The following ADGRA3 variants were observed in gnomAD, a reference collection of about 807,000 sequenced individuals.
ADGRA3 encodes adhesion G protein-coupled receptor A3.
ADGRA3 carries 56 observed loss-of-function variants against 119.8 expected under a neutral mutation model. That is an observed-to-expected ratio of 0.47 (90% CI 0.38 to 0.58). The LOEUF is 0.58. ADGRA3 is among the 20% of genes least tolerant of loss of function. The probability of loss-of-function intolerance (pLI) is 0.00; values close to 1 mark genes in which losing one functional copy is unlikely to be tolerated. For missense variants in ADGRA3, 1,516 were observed against 1,649.0 expected (o/e 0.92, Z 1.40); for synonymous variants, 607 against 623.8 (o/e 0.97, Z 0.40).
chr4:22,479,465 A>AT (rs1406605429), intron 1 of ADGRA3, among the ~76,000 whole-genome samples: 2 of 139,326 alleles, frequency 1.4e-5, no homozygotes, highest in East Asian at 4.6e-4. Flanking sequence ...TCTGTCTCAA[A>AT]TAAAAAAAAA....
chr4:22,428,665 C>T (rs1564136), intron 10 of ADGRA3, among the ~76,000 whole-genome samples: 101,088 of 151,940 alleles, frequency 0.67, 34,414 homozygotes, highest in Non-Finnish European at 0.74. Flanking sequence ...TAGTACACTA[C>T]TGAGATCATA....
intron 14 of ADGRA3, among the ~76,000 whole-genome samples, chr4:22,403,419 G>A (rs530971097): frequency 6.6e-6 from 1 of 152,050 alleles, no homozygotes; most frequent in African/African-American, 2.4e-5. Flanking sequence ...CGGCAGCAGA[G>A]AGGAAGAGCC....
intron 1 of ADGRA3, 181 bp downstream of exon 1, chr4:22,515,346 AT>A (rs1419328810): frequency 6.5e-6 from 4 of 611,526 alleles, no homozygotes; most frequent in Non-Finnish European, 9.7e-6. Context: ...TCGGACGCAG[AT>A]TCCCTTGCCT....
At chr4:22,443,223 C>A (rs977198130) in intron 6 of ADGRA3, 1 of 543,338 alleles carries the variant, frequency 1.8e-6, no homozygotes, top group East Asian at 3.1e-5. Flanking sequence ...ACTTTGGAGA[C>A]TGCAATACCT....
intron 14 of ADGRA3, among the ~76,000 whole-genome samples, chr4:22,410,473 A>C (rs531090891): frequency 5.3e-5 from 8 of 152,152 alleles, no homozygotes; most frequent in Non-Finnish European, 8.8e-5. Context: ...ATGAACAAGT[A>C]TATTCTTTAT....
At position 22,414,785 on chromosome 4, in the gene ADGRA3, T is replaced by C. The variant is rs145356633; in HGVS notation, c.1810-971A>G. Among the ~76,000 whole-genome samples, 274 of 152,294 alleles carry C rather than the reference T, an allele frequency of 1.8e-3. 2 individuals are homozygous for C. Among genetic ancestry groups the C allele is most frequent in the African/African-American group, 6.3e-3 (260 of 41,544 alleles). ...AAACACAGCTACACTGAGTTATCAA[T>C]TTAAGTTCTCCTATATTCTTTTTAT... On this transcript the variant is annotated intron_variant, in intron 12 of 18. Coordinates refer to ENST00000334304, the MANE Select transcript of ADGRA3 (RefSeq NM_145290.4).
chr4:22,462,260 T>C (rs999020210), intron 2 of ADGRA3, among the ~76,000 whole-genome samples: 2 of 152,168 alleles, frequency 1.3e-5, no homozygotes, highest in Non-Finnish European at 2.9e-5. Flanking sequence ...GTTGTTCATA[T>C]ATTTTCCCTT....
chr4:22,480,156 CCAAA>C (rs1404035520), intron 1 of ADGRA3, among the ~76,000 whole-genome samples: 2 of 151,952 alleles, frequency 1.3e-5, no homozygotes, highest in Non-Finnish European at 2.9e-5. Flanking sequence ...AAATCTTTTG[CCAAA>C]CAAAGAAGAA....
At chr4:22,404,256 AG>A (rs148210120) in intron 14 of ADGRA3, among the ~76,000 whole-genome samples, 11,609 of 152,066 alleles carry the variant, frequency 0.076, 764 homozygotes, top group East Asian at 0.28. Context: ...ATTAAAAAAA[AG>A]AAAGGAAGAG....
Position 22,515,860 on chromosome 4 carries a change from A to C in ADGRA3, c.-76T>G. On this transcript the variant is annotated 5_prime_UTR_variant, in exon 1 of 19. Coordinates refer to ENST00000334304, the MANE Select transcript of ADGRA3 (RefSeq NM_145290.4). ...CCGCCCCGGAGCCCGGGCGGGCAGGAGCGCGGCGCGGGCCCAGCGGCGACC... is the reference window on the plus strand; with the variant it reads ...CCGCCCCGGAGCCCGGGCGGGCAGGCGCGCGGCGCGGGCCCAGCGGCGACC... The C allele has an allele frequency of 1.0e-6, 1 of 959,268 alleles. No individual in the cohort carries two copies. Among genetic ancestry groups the C allele is most frequent in the Non-Finnish European group, 1.2e-6 (1 of 808,002 alleles). 59.4% of individuals were successfully genotyped at this position (959,268 alleles called of 1,614,324 possible). A position where few individuals can be genotyped will look rare whatever the true frequency, so the allele number is the denominator to read the frequency against.
intron 1 of ADGRA3, among the ~76,000 whole-genome samples, chr4:22,501,839 G>C (rs976182561): frequency 6.6e-6 from 1 of 151,390 alleles, no homozygotes; most frequent in South Asian, 2.1e-4. Context: ...GTATTACAAA[G>C]TTTCTGTCTG....
At chr4:22,439,157 T>G (rs544688109) in intron 7 of ADGRA3, among the ~76,000 whole-genome samples, 7 of 152,196 alleles carry the variant, frequency 4.6e-5, no homozygotes, top group East Asian at 1.9e-4. Context: ...ATTACGAATT[T>G]ACATAATTAA....
At chr4:22,447,199 T>C (rs928822594) in intron 5 of ADGRA3, among the ~76,000 whole-genome samples, 4 of 152,156 alleles carry the variant, frequency 2.6e-5, no homozygotes, top group Non-Finnish European at 4.4e-5. Flanking sequence ...ATTACCAGTT[T>C]ACTTACTCTA....
rs373368593 is a variant in ADGRA3, at chr4:22,399,965, T to C, written c.2481+1466A>G. Reference sequence around the variant, plus strand: ...TTATTTAGGTCTTCTTTAATACACATTTTAATTTTACCCATAAATCTTGAA... The same window carrying C: ...TTATTTAGGTCTTCTTTAATACACACTTTAATTTTACCCATAAATCTTGAA... On this transcript the variant is annotated intron_variant, in intron 16 of 18. Coordinates refer to ENST00000334304, the MANE Select transcript of ADGRA3 (RefSeq NM_145290.4). Among the ~76,000 whole-genome samples the C allele has an allele frequency of 3.3e-5, 5 of 152,344 alleles. No individual in the cohort carries two copies. In the East Asian group the frequency reaches 9.6e-4, roughly 29 times the overall value.
rs543866832 is a variant in ADGRA3, at chr4:22,426,146, T to C, written c.1444-1794A>G. ...GCCTCTCTTTTAAGATGATAGACTC[T>C]AGAGGTAGTAGAAGGGTTGTATTTG... On this transcript the variant is annotated intron_variant, in intron 10 of 18. Transcript: ENST00000334304. Among the ~76,000 whole-genome samples, 103 of 152,168 alleles carry C rather than the reference T, an allele frequency of 6.8e-4. 1 individual carries two copies. The highest frequency in any genetic ancestry group is 1.1e-3 in the Non-Finnish European group (72 of 68,024).
intron 15 of ADGRA3, among the ~76,000 whole-genome samples, chr4:22,402,291 G>A (rs1467470534): frequency 6.6e-6 from 1 of 152,002 alleles, no homozygotes; most frequent in East Asian, 1.9e-4. Flanking sequence ...TAGGCAAAAA[G>A]TCATAAAATA....
chr4:22,456,090 A>T (rs1260795577), intron 3 of ADGRA3, among the ~76,000 whole-genome samples: 1 of 152,206 alleles, frequency 6.6e-6, no homozygotes, highest in South Asian at 2.1e-4. Context: ...TTTCAAACTA[A>T]AAGTATTGGA....
chr4:22,413,698 G>A lies in ADGRA3; in HGVS notation c.1926C>T (p.Arg642=), dbSNP rs1715312851. 6.2e-7 allele frequency: 1 copy of A among 1,613,932 alleles called. No homozygotes were observed. ...SLYKLQLIAF[R]NGKLFPATGN... ...CAGTGGCTGGAAAAAGCTTTCCATT[G>A]CGGAATGCAATGAGTTGAAGCTTGT... is the stretch of plus-strand genomic sequence containing the variant. The change falls in exon 13 of 19, where the codon CGC becomes CGT. Residue 642 remains arginine (R), a synonymous_variant. Coordinates refer to ENST00000334304, the MANE Select transcript of ADGRA3 (RefSeq NM_145290.4).
rs542694642 is a variant in ADGRA3 at position 22,433,742 on chromosome 4, C to T, written c.1443+1569G>A. On this transcript the variant is annotated intron_variant, in intron 10 of 18. Coordinates refer to ENST00000334304, the MANE Select transcript of ADGRA3 (RefSeq NM_145290.4). ...TTCTAGTAACTAGAAACATCCCACT[C>T]CCGGAAATGACTGCTAATCCTGTGG... Among the ~76,000 whole-genome samples the T allele has an allele frequency of 3.9e-5, 6 of 152,284 alleles. No individual in the cohort carries two copies. In the South Asian group the frequency reaches 1.2e-3, roughly 32 times the overall value.
Sources: allele counts gnomAD v4.1 joint callset (sites outside exome capture counted in the v4.1 genomes callset), GRCh38; gene constraint gnomAD v4.1.1; transcripts MANE v1.5; gene names NCBI Gene and HGNC (gene_info 2026-07-23, HGNC 2026-07-21).